The following SCFD2 variants were observed in gnomAD, a reference collection of about 807,000 sequenced individuals.
SCFD2 encodes the protein sec1 family domain containing 2, also known as sec1 family domain-containing protein 2.
SCFD2 carries 54 observed loss-of-function variants against 58.9 expected under a neutral mutation model. That is an observed-to-expected ratio of 0.92 (90% CI 0.74 to 1.15). The LOEUF (loss-of-function observed/expected upper bound fraction) is 1.15, where lower values mean the gene tolerates loss of function less well. SCFD2 is among the 50% of genes most tolerant of loss of function. The probability of loss-of-function intolerance (pLI) is 0.00; values close to 1 mark genes in which losing one functional copy is unlikely to be tolerated. For missense variants in SCFD2, 805 were observed against 836.6 expected, an observed-to-expected ratio of 0.96 and a Z score of 0.47; for synonymous variants, 321 against 335.9, an observed-to-expected ratio of 0.96 and a Z score of 0.49.
chr4:52,875,916 C>T (rs1225878063), intron 8 of SCFD2, among the ~76,000 whole-genome samples: 7 of 143,728 alleles, frequency 4.9e-5, no homozygotes, highest in African/African-American at 7.7e-5. Context: ...CTGTGTTTCA[C>T]GATTTTCCTT....
intron 2 of SCFD2, among the ~76,000 whole-genome samples, chr4:53,337,355 A>G (rs988424841): frequency 6.6e-6 from 1 of 152,118 alleles, no homozygotes; most frequent in Non-Finnish European, 1.5e-5. Flanking sequence ...CTCTTTAATT[A>G]CCTCTTTAAT....
chr4:52,914,025 T>C (rs1719547628), intron 6 of SCFD2, among the ~76,000 whole-genome samples: 2 of 152,220 alleles, frequency 1.3e-5, no homozygotes. Context: ...AATGTAAATA[T>C]TTCCTTAACA....
intron 5 of SCFD2, among the ~76,000 whole-genome samples, chr4:53,046,426 GC>G (rs1723040996): frequency 1.3e-5 from 2 of 151,806 alleles, no homozygotes; most frequent in South Asian, 4.1e-4. Context: ...TGTTGCCCAG[GC>G]TAGTCTCAAA....
chr4:53,276,277 G>A (rs944859925), intron 3 of SCFD2, among the ~76,000 whole-genome samples: 1 of 152,010 alleles, frequency 6.6e-6, no homozygotes, highest in Non-Finnish European at 1.5e-5. Flanking sequence ...GTACAATACA[G>A]TCCATTGAAA....
chr4:53,118,882 A>C (rs909534394), intron 5 of SCFD2, among the ~76,000 whole-genome samples: 1 of 152,214 alleles, frequency 6.6e-6, no homozygotes, highest in Non-Finnish European at 1.5e-5. Context: ...TTTCAGTGGT[A>C]TCCATATCAC....
chr4:53,217,970 C>A (rs1395567995), intron 4 of SCFD2, among the ~76,000 whole-genome samples: 2 of 152,208 alleles, frequency 1.3e-5, no homozygotes, highest in Admixed American at 6.5e-5. Context: ...GAATATTGGC[C>A]CCCACTCTCT....
chr4:53,214,833 G>A (rs1301610625), intron 4 of SCFD2, among the ~76,000 whole-genome samples: 2 of 152,128 alleles, frequency 1.3e-5, no homozygotes, highest in African/African-American at 4.8e-5. Flanking sequence ...TTTTGTATAA[G>A]ATGTAAGGAA....
rs1719070027 is a variant in SCFD2 at position 52,897,971 on chromosome 4, A to G, written c.1842+9486T>C. Among the ~76,000 whole-genome samples the G allele has an allele frequency of 1.3e-5, 2 of 152,142 alleles. 1 individual carries two copies. Among genetic ancestry groups the G allele is most frequent in the South Asian group, 4.1e-4 (2 of 4,830 alleles). ...GGTGTTTATAGTATTCTCTGATGGT[A>G]GTTTGTATTTCTGTGGGATTGGTGG... On this transcript the variant is annotated intron_variant, in intron 7 of 8. Transcript: ENST00000401642.
At chr4:53,086,875 G>A (rs1724321518) in intron 5 of SCFD2, among the ~76,000 whole-genome samples, 1 of 152,140 alleles carries the variant, frequency 6.6e-6, no homozygotes, top group African/African-American at 2.4e-5. Flanking sequence ...ATAGTTATCA[G>A]AGGCTGGGAA....
intron 4 of SCFD2, among the ~76,000 whole-genome samples, chr4:53,162,704 TG>T (rs1726888936): frequency 2.4e-5 from 3 of 123,002 alleles, no homozygotes; most frequent in African/African-American, 9.5e-5. Flanking sequence ...TGTTGTGGGG[TG>T]GGGGGAGTGG....
At position 53,365,014 on chromosome 4, in the gene SCFD2, A is replaced by C; in HGVS notation, c.838+90T>G. On this transcript the variant is annotated intron_variant, in intron 1 of 8. Transcript: ENST00000401642. The surrounding 1 kb of genome is among the most constrained non-coding windows in gnomAD (Gnocchi z 4.3). ...TCTTTGTATCCTCAATCTAATATAT[A>C]ATAAAAGGTCAATAAAATATATGCT... 1 of 1,434,006 alleles carries C rather than the reference A, an allele frequency of 7.0e-7. No individual in the cohort carries two copies. Among genetic ancestry groups the C allele is most frequent in the Non-Finnish European group, 9.4e-7 (1 of 1,060,172 alleles). The allele number at this position is 1,434,006 out of a possible 1,614,324, so 88.8% of individuals were successfully genotyped here.
chr4:53,039,369 A>C (rs1722839095), intron 5 of SCFD2, among the ~76,000 whole-genome samples: 2 of 152,098 alleles, frequency 1.3e-5, no homozygotes, highest in South Asian at 4.1e-4. Flanking sequence ...TAAAATACCA[A>C]TTTCATTAGG....
intron 5 of SCFD2, among the ~76,000 whole-genome samples, chr4:52,943,603 A>C (rs1720347068): frequency 6.6e-6 from 1 of 152,146 alleles, no homozygotes; most frequent in Non-Finnish European, 1.5e-5. Context: ...AGAGAAAACC[A>C]ACCCCCTCCA....
At chr4:53,274,791 C>A (rs1479684183) in intron 3 of SCFD2, among the ~76,000 whole-genome samples, 1 of 152,218 alleles carries the variant, frequency 6.6e-6, no homozygotes, top group Non-Finnish European at 1.5e-5. Context: ...TGTAAAATTT[C>A]ATTCCTGCCA....
chr4:53,118,217 C>G (rs909594783), intron 5 of SCFD2, among the ~76,000 whole-genome samples: 5 of 152,074 alleles, frequency 3.3e-5, no homozygotes, highest in African/African-American at 9.7e-5. Context: ...GGGATTTTTT[C>G]TTATTTGCCA....
At position 53,228,823 on chromosome 4, in the gene SCFD2, T is replaced by G. The variant is rs192630328; in HGVS notation, c.1311+45003A>C. ...GGGCATTCAATTAGGAAAAGAGGAA[T>G]TCAAATTGTCCCTGTTTGCAGATGA... On this transcript the variant is annotated intron_variant, in intron 4 of 8. Coordinates refer to ENST00000401642, the MANE Select transcript of SCFD2 (RefSeq NM_152540.4). Among the ~76,000 whole-genome samples, 1,322 of 152,210 alleles carry G rather than the reference T, an allele frequency of 8.7e-3. 12 individuals are homozygous for G. Among genetic ancestry groups the G allele is most frequent in the African/African-American group, 0.03 (1,243 of 41,544 alleles).
At position 53,189,132 on chromosome 4, in the gene SCFD2, C is replaced by T. The variant is rs144338932; in HGVS notation, c.1312-43550G>A. ...AAGCTCCTGGGAAAGAAGCACGTTC[C>T]TTTTGCTGGAGTTTCATGCTGAAAG... On this transcript the variant is annotated intron_variant, in intron 4 of 8. Coordinates refer to ENST00000401642, the MANE Select transcript of SCFD2 (RefSeq NM_152540.4). Among the ~76,000 whole-genome samples, 413 of 152,324 alleles carry T rather than the reference C, an allele frequency of 2.7e-3. 1 individual carries two copies. The highest frequency in any genetic ancestry group is 9.5e-3 in the African/African-American group (395 of 41,576).
intron 5 of SCFD2, among the ~76,000 whole-genome samples, chr4:53,088,667 A>G (rs1351154335): frequency 1.3e-5 from 2 of 152,282 alleles, no homozygotes; most frequent in Non-Finnish European, 1.5e-5. Flanking sequence ...ATTTGCCTCA[A>G]GATGAATCAT....
At chr4:53,346,729 T>TA (rs1734068881) in intron 2 of SCFD2, among the ~76,000 whole-genome samples, 1 of 152,170 alleles carries the variant, frequency 6.6e-6, no homozygotes, top group Admixed American at 6.5e-5. Context: ...TATAGTATAG[T>TA]GTTCTGGCAT....
Sources: allele counts gnomAD v4.1 joint callset (sites outside exome capture counted in the v4.1 genomes callset), GRCh38; gene constraint gnomAD v4.1.1; non-coding constraint Gnocchi (gnomAD v3.1); transcripts MANE v1.5; gene names NCBI Gene and HGNC (gene_info 2026-07-23, HGNC 2026-07-21).